Variants in APBB2 observed in about 807,000 individuals in gnomAD.
APBB2 encodes the protein Fe65-like 1.
In APBB2, 38 loss-of-function variants were observed where a neutral mutation model predicts 82.5. The ratio of observed to expected loss-of-function variants is 0.46; its 90% CI spans 0.36 to 0.60. The LOEUF (loss-of-function observed/expected upper bound fraction) is 0.60, where lower values mean the gene tolerates loss of function less well. APBB2 is among the 20% of genes least tolerant of loss of function. The pLI is 0.00. For synonymous variants in APBB2, 341 were observed against 368.2 expected (o/e 0.93, Z 0.85); for missense variants, 772 against 972.3 (o/e 0.79, Z 2.74).
At chr4:41,111,857 G>A (rs1321270451) in intron 2 of APBB2, among the ~76,000 whole-genome samples, 1 of 152,192 alleles carries the variant, frequency 6.6e-6, no homozygotes, top group African/African-American at 2.4e-5. Flanking sequence ...GCCATTACAA[G>A]TATTGTTTTT....
chr4:41,112,936 G>A (rs1011008251), intron 2 of APBB2, among the ~76,000 whole-genome samples: 6 of 151,958 alleles, frequency 3.9e-5, no homozygotes, highest in Admixed American at 3.9e-4. Flanking sequence ...GCAGTGAGCC[G>A]AGATTGCACA....
rs147176903 is a variant in APBB2 at position 41,072,985 on chromosome 4, T to C, written c.-148-7312A>G. Among the ~76,000 whole-genome samples the C allele has an allele frequency of 3.9e-5, 6 of 152,310 alleles. No homozygotes were observed. In the East Asian group the frequency reaches 1.2e-3, roughly 29 times the overall value. Reference sequence around the variant, plus strand: ...AACAAAAGGAAAGGCTCAGAAGAGATCTACAAATACGAATTACACCTTAAT... The same window carrying C: ...AACAAAAGGAAAGGCTCAGAAGAGACCTACAAATACGAATTACACCTTAAT... On this transcript the variant is annotated intron_variant, in intron 3 of 17. Coordinates refer to ENST00000508593, the MANE Select transcript of APBB2 (RefSeq NM_004307.2).
rs1433243812 is a variant in APBB2 at position 41,000,075 on chromosome 4, G to GTA, written c.835+13507_835+13508insTA. ...TATGTATATATATGTGTGTATGTGT[G>GTA]TGTGTGTGTGTGTGTGTGTGTGTGT... is the stretch of plus-strand genomic sequence containing the variant. On this transcript the variant is annotated intron_variant, in intron 6 of 17. Transcript: ENST00000508593. 1.3e-4 allele frequency among the ~76,000 whole-genome samples: 13 copies of GTA among 101,468 alleles called. No individual in the cohort carries two copies. The East Asian group carries it at 2.6e-3, about 20-fold the overall frequency. The allele number at this position is 101,468 out of a possible 152,430, so 66.6% of individuals were successfully genotyped here. A position where few individuals can be genotyped will look rare whatever the true frequency, so the allele number is the denominator to read the frequency against.
At chr4:41,074,216 C>T (rs758057410) in intron 3 of APBB2, among the ~76,000 whole-genome samples, 6 of 152,154 alleles carry the variant, frequency 3.9e-5, no homozygotes, top group African/African-American at 9.7e-5. Flanking sequence ...AGTAAAATTT[C>T]CATCATCTTT....
intron 6 of APBB2, among the ~76,000 whole-genome samples, chr4:41,003,558 A>G (rs10004541): frequency 0.17 from 25,690 of 152,082 alleles, 2,386 homozygotes; most frequent in Non-Finnish European, 0.21. Flanking sequence ...AAATCAAATG[A>G]CTTGTGTCCC....
chr4:41,079,331 T>C (rs950157384), intron 3 of APBB2, among the ~76,000 whole-genome samples: 1 of 152,234 alleles, frequency 6.6e-6, no homozygotes, highest in Non-Finnish European at 1.5e-5. Context: ...CTGTTGCTTC[T>C]ATCCAAGAAC....
intron 12 of APBB2, among the ~76,000 whole-genome samples, chr4:40,853,428 G>C (rs1013984504): frequency 2.2e-4 from 34 of 151,672 alleles, no homozygotes; most frequent in Admixed American, 2.2e-3. Context: ...CAGGCACGTT[G>C]AGTGCTCCAC....
At chr4:40,917,894 A>G (rs1780231637) in intron 10 of APBB2, among the ~76,000 whole-genome samples, 1 of 152,234 alleles carries the variant, frequency 6.6e-6, no homozygotes, top group African/African-American at 2.4e-5. Flanking sequence ...CAGAGTGATC[A>G]GTTAACTCTC....
chr4:41,201,129 C>A (rs374389027), intron 1 of APBB2, among the ~76,000 whole-genome samples: 3 of 152,172 alleles, frequency 2.0e-5, no homozygotes, highest in African/African-American at 7.2e-5. Context: ...TAAACACTGA[C>A]CTTTATAATT....
intron 10 of APBB2, among the ~76,000 whole-genome samples, chr4:40,929,653 G>C (rs1442717989): frequency 6.6e-6 from 1 of 152,154 alleles, no homozygotes; most frequent in African/African-American, 2.4e-5. Context: ...AATAAACTAA[G>C]ATGAATAAAT....
intron 3 of APBB2, among the ~76,000 whole-genome samples, chr4:41,091,670 G>A (rs1741759693): frequency 6.6e-6 from 1 of 152,126 alleles, no homozygotes; most frequent in South Asian, 2.1e-4. Flanking sequence ...TATCTGCGGA[G>A]TAAATGAATG....
At chr4:40,902,503 A>G (rs73150509) in intron 10 of APBB2, among the ~76,000 whole-genome samples, 5,868 of 152,238 alleles carry the variant, frequency 0.039, 369 homozygotes, top group African/African-American at 0.13. Context: ...GACTTGTGAA[A>G]GTGAGAAAGT....
intron 1 of APBB2, among the ~76,000 whole-genome samples, chr4:41,174,441 A>G (rs544120633): frequency 5.2e-4 from 79 of 152,248 alleles, no homozygotes; most frequent in Non-Finnish European, 4.4e-5. Flanking sequence ...ATCCTACATC[A>G]GAACATGACT....
At chr4:41,180,191 C>A (rs1770936764) in intron 1 of APBB2, among the ~76,000 whole-genome samples, 1 of 152,232 alleles carries the variant, frequency 6.6e-6, no homozygotes, top group South Asian at 2.1e-4. Context: ...GCCTGACCCC[C>A]TCCTCGCTAT....
At chr4:40,879,721 T>G (rs1283467859) in intron 12 of APBB2, among the ~76,000 whole-genome samples, 1 of 150,616 alleles carries the variant, frequency 6.6e-6, no homozygotes, top group African/African-American at 2.4e-5. Flanking sequence ...AGATGGAGTC[T>G]CACTCTGTAG....
At chr4:41,155,239 GTTTT>G (rs534389771) in intron 1 of APBB2, among the ~76,000 whole-genome samples, 109 of 152,092 alleles carry the variant, frequency 7.2e-4, no homozygotes, top group Non-Finnish European at 1.2e-3. Context: ...ATTTGGAACT[GTTTT>G]TTTGTTTTTG....
rs746494588 is a variant in APBB2 at position 40,827,205 on chromosome 4, C to T, written c.1659G>A (p.Arg553=). 6.2e-7 allele frequency: 1 copy of T among 1,614,192 alleles called. No homozygotes were observed. The highest frequency in any genetic ancestry group is 8.5e-7 in the Non-Finnish European group (1 of 1,180,018). ...HEICSKIMAE[R]KNAKALACSS... ...TGCAGGCCAGCGCTTTGGCATTCTT[C>T]CGTTCAGCCATAATCTAAGGGGGAA... is the stretch of plus-strand genomic sequence containing the variant. Residue 553 remains arginine, a synonymous_variant, in exon 14 of 18, where the codon CGG becomes CGA. Transcript: ENST00000508593.
intron 10 of APBB2, among the ~76,000 whole-genome samples, chr4:40,911,466 C>T (rs575024608): frequency 6.6e-6 from 1 of 152,280 alleles, no homozygotes; most frequent in South Asian, 2.1e-4. Flanking sequence ...TGATCTAAGC[C>T]ATGCCTAGTG....
chr4:40,944,955 C>T lies in APBB2; in HGVS notation c.954G>A (p.Trp318Ter). The stretch of plus-strand genomic sequence containing the variant: ...CTGCTGGGATGGAGACGGGCCGTTC[C>T]CACTGAGTCGTTCCTGTTGGGATGT... ...YWHIPTGTTQ[W>*]ERPVSIPADL... Residue 318 changes from tryptophan to a stop codon, truncating the protein, a stop_gained, in exon 7 of 18, where the codon TGG becomes TGA. Coordinates refer to ENST00000508593, the MANE Select transcript of APBB2 (RefSeq NM_004307.2). LOFTEE classifies it high-confidence loss of function. The T allele has an allele frequency of 6.2e-7, 1 of 1,613,978 alleles. No homozygotes were observed. Among genetic ancestry groups the T allele is most frequent in the Non-Finnish European group, 8.5e-7 (1 of 1,180,028 alleles).
Sources: gnomAD v4.1 joint callset for allele counts (sites outside exome capture counted in the v4.1 genomes callset) on GRCh38, gnomAD v4.1.1 for gene constraint, MANE v1.5 for transcripts, NCBI Gene and HGNC (gene_info 2026-07-23, HGNC 2026-07-21) for gene names.